ATP11B: variants seen among roughly 807,000 people sequenced by gnomAD.
ATP11B encodes phospholipid-transporting ATPase IF.
In ATP11B, 81 loss-of-function variants were observed where a neutral mutation model predicts 157.8. That is an observed-to-expected ratio of 0.51 (90% CI 0.43 to 0.62). ATP11B has a LOEUF of 0.62. ATP11B is among the 20% of genes least tolerant of loss of function. The pLI, the probability that ATP11B is intolerant of heterozygous loss-of-function variation, is 0.00. For missense variants in ATP11B, 1,165 were observed against 1,402.2 expected (o/e 0.83, Z 2.70); for synonymous variants, 451 against 469.4 (o/e 0.96, Z 0.51).
At position 182,916,482 on chromosome 3, in the gene ATP11B, A is replaced by G. The variant is rs986714602; in HGVS notation, c.3453-1541A>G. The G allele has an allele frequency of 8.1e-6, 8 of 985,272 alleles. No homozygotes were observed. The Admixed American group carries it at 4.3e-4, about 53-fold the overall frequency. 61.0% of individuals were successfully genotyped at this position (985,272 alleles called of 1,614,324 possible). On this transcript the variant is annotated intron_variant, in intron 29 of 29. Coordinates refer to ENST00000323116, the MANE Select transcript of ATP11B (RefSeq NM_014616.3). Reference sequence around the variant, plus strand: ...ATTGATGTTGTCAATGAAGTATCCCATATTGCAAGCTCAGTTTCAAAGAGA... The same window carrying G: ...ATTGATGTTGTCAATGAAGTATCCCGTATTGCAAGCTCAGTTTCAAAGAGA...
At chr3:182,839,290 G>A (rs1718809273) in intron 7 of ATP11B, among the ~76,000 whole-genome samples, 1 of 152,158 alleles carries the variant, frequency 6.6e-6, no homozygotes, top group African/African-American at 2.4e-5. Context: ...GATGGAGGGT[G>A]TGAGGAGGGA....
rs1020199693 is a variant in ATP11B at position 182,902,444 on chromosome 3, CTTG to C, written c.3318+3677_3318+3679del. The C allele has an allele frequency of 7.6e-5, 93 of 1,223,552 alleles. 1 individual carries two copies. The highest frequency in any genetic ancestry group is 6.5e-4 in the African/African-American group (42 of 64,752). The allele number at this position is 1,223,552 out of a possible 1,614,324, so 75.8% of individuals were successfully genotyped here. On this transcript the variant is annotated intron_variant, in intron 28 of 29. Transcript: ENST00000323116. ...TTAGGTGATGAATACAGCTCACTGA[CTTG>C]TTGTGTGTCCATCCCTTTTCTGTCC...
At chr3:182,906,328 A>G (rs1206278104) in intron 28 of ATP11B, among the ~76,000 whole-genome samples, 2 of 152,222 alleles carry the variant, frequency 1.3e-5, no homozygotes, top group African/African-American at 4.8e-5. Flanking sequence ...ATAGTTGGAT[A>G]CTGAATTACT....
At chr3:182,804,388 G>A (rs999845126) in intron 1 of ATP11B, among the ~76,000 whole-genome samples, 13 of 151,952 alleles carry the variant, frequency 8.6e-5, no homozygotes, top group African/African-American at 3.1e-4. Context: ...TGGGACTACA[G>A]GCACCCGCCA....
chr3:182,845,846 A>G (rs1246530489), intron 9 of ATP11B, among the ~76,000 whole-genome samples: 1 of 152,214 alleles, frequency 6.6e-6, no homozygotes, highest in Non-Finnish European at 1.5e-5. Context: ...GGTACAGTAA[A>G]CCACTTCTAT....
At chr3:182,834,123 A>G (rs1383022843) in intron 4 of ATP11B, among the ~76,000 whole-genome samples, 1 of 152,212 alleles carries the variant, frequency 6.6e-6, no homozygotes, top group Non-Finnish European at 1.5e-5. Flanking sequence ...TTGCTCTGCT[A>G]TTAATGTCAT....
chr3:182,887,746 A>G, intron 24 of ATP11B, 33 bp downstream of exon 24: 1 of 1,582,270 alleles, frequency 6.3e-7, no homozygotes, highest in Non-Finnish European at 8.5e-7. Context: ...TGGCCTTATC[A>G]GTTTTTTTAA....
At chr3:182,914,114 TCTG>T in intron 29 of ATP11B, 120 bp downstream of exon 29, 1 of 1,524,808 alleles carries the variant, frequency 6.6e-7, no homozygotes, top group Non-Finnish European at 8.8e-7. Context: ...AAGCAGGAAG[TCTG>T]CTATTTATTA....
At chr3:182,907,429 G>T (rs1724444773) in intron 28 of ATP11B, among the ~76,000 whole-genome samples, 1 of 152,042 alleles carries the variant, frequency 6.6e-6, no homozygotes, top group South Asian at 2.1e-4. Flanking sequence ...GAAGAATCTG[G>T]ACTATTCTAT....
In ATP11B at chr3:182,808,406, A is replaced by G. The variant is rs150116702; in HGVS notation, c.28-11854A>G. Among the ~76,000 whole-genome samples, 9 of 152,332 alleles carry G rather than the reference A, an allele frequency of 5.9e-5. No individual in the cohort carries two copies. The East Asian group carries it at 1.7e-3, about 29-fold the overall frequency. On this transcript the variant is annotated intron_variant, in intron 1 of 29. Coordinates refer to ENST00000323116, the MANE Select transcript of ATP11B (RefSeq NM_014616.3). The stretch of plus-strand genomic sequence containing the variant: ...ATGCAAAGTTAAAGGGAATTGATGC[A>G]GTGCTAACCTGCCAATGTTGATCAA...
intron 1 of ATP11B, among the ~76,000 whole-genome samples, chr3:182,810,214 C>T (rs1716568518): frequency 6.6e-6 from 1 of 152,042 alleles, no homozygotes; most frequent in Non-Finnish European, 1.5e-5. Flanking sequence ...TGCCTGTAAT[C>T]CCAGCTACTC....
chr3:182,866,920 A>AAT (rs908620280), intron 14 of ATP11B, among the ~76,000 whole-genome samples: 3 of 95,920 alleles, frequency 3.1e-5, no homozygotes, highest in African/African-American at 8.4e-5. Flanking sequence ...ATATATATAA[A>AAT]ATATATATAT....
intron 1 of ATP11B, among the ~76,000 whole-genome samples, chr3:182,798,285 A>G (rs979797065): frequency 2.0e-5 from 3 of 152,216 alleles, no homozygotes; most frequent in Non-Finnish European, 4.4e-5. Context: ...GGCCCATTGT[A>G]GGTATTCACC....
At chr3:182,838,617 C>A (rs1416994936) in intron 7 of ATP11B, among the ~76,000 whole-genome samples, 3 of 151,942 alleles carry the variant, frequency 2.0e-5, no homozygotes, top group Non-Finnish European at 4.4e-5. Flanking sequence ...TTCATTCATT[C>A]ATTTAACAAA....
chr3:182,834,190 A>G (rs1261724022), intron 4 of ATP11B, among the ~76,000 whole-genome samples: 1 of 152,212 alleles, frequency 6.6e-6, no homozygotes, highest in Admixed American at 6.5e-5. Context: ...TTTGACTTTC[A>G]ATTAAATTTC....
chr3:182,866,329 A>T lies in ATP11B; in HGVS notation c.1505A>T (p.Asn502Ile), dbSNP rs145590630. ...VSLCHTVQIS[N>I]VQTDCTGDGP... ...CTCTGTCACACTGTACAGATTAGCA[A>T]TGTTCAAACTGACTGCACTGGTGAT... is the stretch of plus-strand genomic sequence containing the variant. The change falls in exon 14 of 30, where the codon AAT becomes ATT. Residue 502 changes from asparagine to isoleucine, a missense_variant. Coordinates refer to ENST00000323116, the MANE Select transcript of ATP11B (RefSeq NM_014616.3). 6.2e-7 allele frequency: 1 copy of T among 1,613,808 alleles called. No homozygotes were observed. Among genetic ancestry groups the T allele is most frequent in the East Asian group, 2.2e-5 (1 of 44,874 alleles).
rs760120728 is a variant in ATP11B at position 182,836,151 on chromosome 3, C to G, written c.423+9C>G. 1 of 1,606,268 alleles carries G rather than the reference C, an allele frequency of 6.2e-7. No individual in the cohort carries two copies. Among genetic ancestry groups the G allele is most frequent in the Non-Finnish European group, 8.5e-7 (1 of 1,174,284 alleles). ...GATCAAAAAACATTCGGGTATGCAT[C>G]TGGTAAATAATGGAAATCAACTTTA... On this transcript the variant is annotated intron_variant, in intron 5 of 29. Transcript: ENST00000323116.
At chr3:182,904,432 C>T (rs1035198561) in intron 28 of ATP11B, among the ~76,000 whole-genome samples, 3 of 152,204 alleles carry the variant, frequency 2.0e-5, no homozygotes, top group African/African-American at 7.2e-5. Context: ...GCTGATGCAG[C>T]CTCTAAATTT....
chr3:182,889,346 A>T, intron 24 of ATP11B, 64 bp from the exon 25 acceptor site: 1 of 1,156,298 alleles, frequency 8.6e-7, no homozygotes, highest in Non-Finnish European at 1.2e-6. Flanking sequence ...ATATTATATT[A>T]ATTGTTTAGT....
Sources: allele counts gnomAD v4.1 joint callset (sites outside exome capture counted in the v4.1 genomes callset), GRCh38; gene constraint gnomAD v4.1.1; transcripts MANE v1.5; gene names NCBI Gene and HGNC (gene_info 2026-07-23, HGNC 2026-07-21).